Variants in KANSL1 observed in about 807,000 individuals in gnomAD.
KANSL1 encodes the protein MLL1/MLL complex subunit KANSL1.
KANSL1 carries 22 observed loss-of-function variants against 103.6 expected under a neutral mutation model. The ratio of observed to expected loss-of-function variants is 0.21; its 90% CI spans 0.15 to 0.30. KANSL1 has a LOEUF of 0.30. Ranked by LOEUF, KANSL1 falls within the 10% of genes least tolerant of loss-of-function variation. The pLI is 1.00. For synonymous variants in KANSL1, 600 were observed against 527.6 expected (o/e 1.14, Z -1.88); for missense variants, 1,337 against 1,399.8 (o/e 0.96, Z 0.72).
At chr17:46,219,139 C>G (rs917298562) in intron 1 of KANSL1, among the ~76,000 whole-genome samples, 1 of 151,822 alleles carries the variant, frequency 6.6e-6, no homozygotes, top group Non-Finnish European at 1.5e-5. Flanking sequence ...TGACAGGTGC[C>G]TGTAATCCCA....
At chr17:46,179,259 G>A (rs1174689822) in intron 1 of KANSL1, among the ~76,000 whole-genome samples, 7 of 152,120 alleles carry the variant, frequency 4.6e-5, no homozygotes, top group East Asian at 1.9e-4. Context: ...AAAGCAAAAC[G>A]TATCCAGCTG....
At chr17:46,080,256 T>G (rs78938131) in intron 4 of KANSL1, among the ~76,000 whole-genome samples, 20,878 of 136,594 alleles carry the variant, frequency 0.15, 2,031 homozygotes, top group Middle Eastern at 0.25. Flanking sequence ...GAGGCTGAAG[T>G]GAGCTATGAT....
At chr17:46,183,120 A>C (rs2046863779) in intron 1 of KANSL1, among the ~76,000 whole-genome samples, 1 of 152,204 alleles carries the variant, frequency 6.6e-6, no homozygotes, top group Non-Finnish European at 1.5e-5. Flanking sequence ...AAGAACATCC[A>C]GGCTGAAACC....
chr17:46,153,275 T>C (rs1597815812), intron 2 of KANSL1, among the ~76,000 whole-genome samples: 1 of 152,230 alleles, frequency 6.6e-6, no homozygotes, highest in African/African-American at 2.4e-5. Flanking sequence ...TATAAAACTA[T>C]TAGAGCTGGA....
chr17:46,203,014 TAG>T (rs2047853431), intron 1 of KANSL1, among the ~76,000 whole-genome samples: 2 of 152,234 alleles, frequency 1.3e-5, no homozygotes, highest in Non-Finnish European at 2.9e-5. Context: ...AGTGGTTTGC[TAG>T]AACTCAGGAG....
chr17:46,203,309 C>T (rs2147989809), intron 1 of KANSL1, among the ~76,000 whole-genome samples: 1 of 152,322 alleles, frequency 6.6e-6, no homozygotes, highest in South Asian at 2.1e-4. Flanking sequence ...CCCAGAATAC[C>T]TACCGTGGCA....
chr17:46,161,389 T>C (rs1321833879), intron 2 of KANSL1, among the ~76,000 whole-genome samples: 2 of 151,486 alleles, frequency 1.3e-5, no homozygotes, highest in Non-Finnish European at 2.9e-5. Context: ...TGAGCCCAGG[T>C]CATGCCACTG....
chr17:46,040,832 CTT>C (rs2077287659), intron 7 of KANSL1: 1 of 152,196 alleles, frequency 6.6e-6, no homozygotes, highest in Non-Finnish European at 1.5e-5. Flanking sequence ...TTGATTTTCT[CTT>C]GACAGCGTTT....
chr17:46,213,973 T>G (rs2048257495), intron 1 of KANSL1, among the ~76,000 whole-genome samples: 1 of 151,952 alleles, frequency 6.6e-6, no homozygotes, highest in Admixed American at 6.6e-5. Flanking sequence ...TAAAAATCAA[T>G]TCCCTGCCAA....
chr17:46,211,227 C>CAAAAAAAA (rs574672233), intron 1 of KANSL1, among the ~76,000 whole-genome samples: 9 of 102,490 alleles, frequency 8.8e-5, no homozygotes, highest in African/African-American at 2.0e-4. Context: ...ATGTTCTATG[C>CAAAAAAAA]AAAAAAAAAA....
chr17:46,178,068 C>T lies in KANSL1; in HGVS notation c.-89-5836G>A, dbSNP rs576684416. 3.9e-5 allele frequency among the ~76,000 whole-genome samples: 6 copies of T among 152,286 alleles called. No homozygotes were observed. In the South Asian group the frequency reaches 1.2e-3, roughly 32 times the overall value. On this transcript the variant is annotated intron_variant, in intron 1 of 14. Transcript: ENST00000432791. ...CTGGGATTACAGGCATGAGCCACCA[C>T]GCCCGGCCCATAGTAACATTCTTAA...
At chr17:46,105,490 C>T (rs1372350071) in intron 2 of KANSL1, among the ~76,000 whole-genome samples, 2 of 151,988 alleles carry the variant, frequency 1.3e-5, no homozygotes, top group Admixed American at 6.6e-5. Flanking sequence ...GTGGTGGGTG[C>T]CTGTAATTCC....
chr17:46,219,975 C>T (rs1179459368), intron 1 of KANSL1, among the ~76,000 whole-genome samples: 5 of 151,806 alleles, frequency 3.3e-5, no homozygotes, highest in African/African-American at 9.7e-5. Flanking sequence ...TGGTGGCGGG[C>T]GCCTGTGGTC....
intron 10 of KANSL1, among the ~76,000 whole-genome samples, chr17:46,036,565 T>G (rs1382393188): frequency 6.6e-6 from 1 of 152,224 alleles, no homozygotes; most frequent in Non-Finnish European, 1.5e-5. Flanking sequence ...GTATATGGGA[T>G]TTAAAGCATA....
chr17:46,181,289 C>T (rs960635546), intron 1 of KANSL1, among the ~76,000 whole-genome samples: 12 of 152,220 alleles, frequency 7.9e-5, no homozygotes, highest in African/African-American at 1.2e-4. Flanking sequence ...CCTCTCTATA[C>T]TTCTAACACT....
At chr17:46,033,003 C>T in intron 13 of KANSL1, 77 bp downstream of exon 13, 2 of 1,137,470 alleles carry the variant, frequency 1.8e-6, no homozygotes, top group Non-Finnish European at 2.5e-6. Flanking sequence ...GTAGCAATTC[C>T]ATGGACTCAA....
upstream of KANSL1, chr17:46,193,790 C>G (rs946607335): frequency 1.2e-5 from 2 of 166,016 alleles, no homozygotes; most frequent in African/African-American, 2.4e-5. Context: ...GTGCTGGGGC[C>G]GGCGGTGCGG....
intron 3 of KANSL1, among the ~76,000 whole-genome samples, chr17:46,089,266 C>G (rs1294024621): frequency 3.9e-5 from 6 of 152,154 alleles, no homozygotes; most frequent in Admixed American, 6.5e-5. Flanking sequence ...AAGTTATATT[C>G]TTTCTCCAGA....
intron 13 of KANSL1, 39 bp from the exon 14 acceptor site, chr17:46,032,338 T>A: frequency 6.7e-7 from 1 of 1,488,350 alleles, no homozygotes; most frequent in Non-Finnish European, 8.9e-7. Context: ...GCCTGGGAAA[T>A]GTTTACTTAT....
Sources: gnomAD v4.1 joint callset for allele counts (sites outside exome capture counted in the v4.1 genomes callset) on GRCh38, gnomAD v4.1.1 for gene constraint, MANE v1.5 for transcripts, NCBI Gene and HGNC (gene_info 2026-07-23, HGNC 2026-07-21) for gene names.